Variants in CRYL1 observed in about 807,000 individuals in gnomAD.
CRYL1 encodes the protein crystallin lambda 1.
CRYL1 carries 29 observed loss-of-function variants against 36.6 expected under a neutral mutation model. The ratio of observed to expected loss-of-function variants is 0.79; its 90% CI spans 0.59 to 1.08. CRYL1 has a LOEUF of 1.08. Ranked by LOEUF, CRYL1 falls within the 50% of genes least tolerant of loss-of-function variation. The probability of loss-of-function intolerance (pLI) is 0.00; values close to 1 mark genes in which losing one functional copy is unlikely to be tolerated. For synonymous variants in CRYL1, 152 were observed against 151.5 expected (o/e 1.00, Z -0.02); for missense variants, 411 against 407.9 (o/e 1.01, Z -0.06).
chr13:20,426,733 A>G, intron 5 of CRYL1: 1 of 985,398 alleles, frequency 1.0e-6, no homozygotes, highest in Non-Finnish European at 1.2e-6. Flanking sequence ...TTTGAGATAC[A>G]CTTCATTAAC....
intron 2 of CRYL1, among the ~76,000 whole-genome samples, chr13:20,491,321 A>G (rs1397694681): frequency 3.3e-5 from 5 of 152,234 alleles, no homozygotes. Flanking sequence ...AAATAGGGCC[A>G]TAAAACAGCT....
intron 3 of CRYL1, among the ~76,000 whole-genome samples, chr13:20,459,235 C>CA (rs61255031): frequency 0.035 from 2,686 of 77,086 alleles, 84 homozygotes; most frequent in Middle Eastern, 0.062. Context: ...GACTCCATCT[C>CA]AAAAAAAAAA....
chr13:20,432,323 G>A lies in CRYL1; in HGVS notation c.439-27C>T, dbSNP rs370766639. The stretch of plus-strand genomic sequence containing the variant: ...TTAGGAGAGAGAGAGAAGTGGGGGA[G>A]TCAAGGAGATGATCCTGGGTTTGGG... On this transcript the variant is annotated intron_variant, in intron 4 of 7. Coordinates refer to ENST00000298248, the MANE Select transcript of CRYL1 (RefSeq NM_015974.3). The A allele has an allele frequency of 1.5e-5, 23 of 1,569,190 alleles. No homozygotes were observed. In the African/African-American group the frequency reaches 2.7e-4, roughly 18 times the overall value.
chr13:20,520,078 T>C (rs1443763062), intron 1 of CRYL1, among the ~76,000 whole-genome samples: 1 of 152,184 alleles, frequency 6.6e-6, no homozygotes, highest in Non-Finnish European at 1.5e-5. Flanking sequence ...CATGTGTTAA[T>C]AATTGTTGAA....
intron 4 of CRYL1, among the ~76,000 whole-genome samples, chr13:20,433,367 C>G (rs2032119017): frequency 6.6e-6 from 1 of 152,216 alleles, no homozygotes; most frequent in African/African-American, 2.4e-5. Flanking sequence ...AAGTATACCA[C>G]AGCAAACAGA....
At chr13:20,437,422 C>T (rs956460779) in intron 4 of CRYL1, among the ~76,000 whole-genome samples, 9 of 151,942 alleles carry the variant, frequency 5.9e-5, no homozygotes, top group Non-Finnish European at 1.0e-4. Context: ...ATTCTCCTGC[C>T]TCAGCCTCCC....
intron 2 of CRYL1, among the ~76,000 whole-genome samples, chr13:20,511,674 G>A (rs1005179122): frequency 5.3e-5 from 8 of 152,132 alleles, no homozygotes; most frequent in Non-Finnish European, 7.4e-5. Context: ...CAGCTAACGC[G>A]TGTCTGAGAT....
intron 2 of CRYL1, among the ~76,000 whole-genome samples, chr13:20,494,421 A>G (rs2033568721): frequency 6.6e-6 from 1 of 152,236 alleles, no homozygotes; most frequent in South Asian, 2.1e-4. Context: ...GTCACTTTTT[A>G]AGTAAACAAA....
At chr13:20,491,044 A>G (rs1460295542) in intron 2 of CRYL1, among the ~76,000 whole-genome samples, 2 of 152,132 alleles carry the variant, frequency 1.3e-5, no homozygotes, top group Non-Finnish European at 2.9e-5. Context: ...AGCAGGGACT[A>G]CACATGCGTG....
intron 3 of CRYL1, among the ~76,000 whole-genome samples, chr13:20,461,875 C>A (rs1473726485): frequency 7.8e-6 from 1 of 128,980 alleles, no homozygotes; most frequent in Non-Finnish European, 1.6e-5. Context: ...CACAGGAGTG[C>A]TTTTGGGCCT....
At chr13:20,410,136 A>G (rs982833248) in intron 6 of CRYL1, among the ~76,000 whole-genome samples, 10 of 150,980 alleles carry the variant, frequency 6.6e-5, no homozygotes, top group Non-Finnish European at 1.2e-4. Context: ...ACCAACCCAA[A>G]TGTCCAACAA....
Position 20,525,583 on chromosome 13 carries a change from T to A in CRYL1, c.41+171A>T, listed in dbSNP as rs1593510487. Among the ~76,000 whole-genome samples, 1 of 151,806 alleles carries A rather than the reference T, an allele frequency of 6.6e-6. No homozygotes were observed. Among genetic ancestry groups the A allele is most frequent in the Non-Finnish European group, 1.5e-5 (1 of 67,912 alleles). On this transcript the variant is annotated intron_variant, in intron 1 of 7. Transcript: ENST00000298248. The surrounding 1 kb of genome is among the most constrained non-coding windows in gnomAD (Gnocchi z 4.3). ...TGCCAAGCCCCTCCAGCCGCGCCTC[T>A]CCCCGAGCCCGCCAGCGCCGTAGGG...
At chr13:20,498,168 T>C (rs1018846982) in intron 2 of CRYL1, among the ~76,000 whole-genome samples, 3 of 146,570 alleles carry the variant, frequency 2.0e-5, no homozygotes, top group Non-Finnish European at 1.5e-5. Context: ...ACACACTACA[T>C]ACACCGCATA....
intron 5 of CRYL1, chr13:20,431,379 CAG>C (rs1281452390): frequency 1.0e-6 from 1 of 985,398 alleles, no homozygotes; most frequent in Non-Finnish European, 1.2e-6. Context: ...CAGGCGTGGG[CAG>C]AGTCTTGCCT....
chr13:20,431,472 C>A (rs900045536), intron 5 of CRYL1: 11 of 991,682 alleles, frequency 1.1e-5, no homozygotes, highest in Non-Finnish European at 1.3e-5. Flanking sequence ...TCCGCCTCGT[C>A]CTGGGGTCCA....
chr13:20,466,748 T>A (rs1044430701), intron 3 of CRYL1, among the ~76,000 whole-genome samples: 1 of 149,472 alleles, frequency 6.7e-6, no homozygotes, highest in Non-Finnish European at 1.5e-5. Flanking sequence ...ATAGTGAGTC[T>A]ATGCTTAATT....
At chr13:20,473,405 T>A (rs2033100441) in intron 3 of CRYL1, among the ~76,000 whole-genome samples, 1 of 152,244 alleles carries the variant, frequency 6.6e-6, no homozygotes, top group Non-Finnish European at 1.5e-5. Flanking sequence ...GAACAATTAT[T>A]TTTAAAGCTG....
chr13:20,431,470 G>A (rs1005118121), intron 5 of CRYL1: 15 of 991,038 alleles, frequency 1.5e-5, no homozygotes, highest in African/African-American at 1.2e-4. Flanking sequence ...TCTCCGCCTC[G>A]TCCTGGGGTC....
chr13:20,497,200 A>T (rs2033619461), intron 2 of CRYL1, among the ~76,000 whole-genome samples: 1 of 151,960 alleles, frequency 6.6e-6, no homozygotes, highest in South Asian at 2.1e-4. Flanking sequence ...TGCTACAGAT[A>T]CCAGGGGCTT....
Sources: gnomAD v4.1 joint callset for allele counts (sites outside exome capture counted in the v4.1 genomes callset) on GRCh38, gnomAD v4.1.1 for gene constraint, Gnocchi (gnomAD v3.1) non-coding constraint, MANE v1.5 for transcripts, NCBI Gene and HGNC (gene_info 2026-07-23, HGNC 2026-07-21) for gene names.